The following CTNNAL1 variants were observed in gnomAD, a reference collection of about 807,000 sequenced individuals.
CTNNAL1 encodes the protein catenin alpha like 1, also known as alpha-catulin.
Under a neutral mutation model 93.6 loss-of-function variants are expected in CTNNAL1, and 69 were observed. The ratio of observed to expected loss-of-function variants is 0.74; its 90% CI spans 0.61 to 0.90. The LOEUF is 0.90. CTNNAL1 is among the 40% of genes least tolerant of loss of function. The pLI is 0.00. For synonymous variants in CTNNAL1, 286 were observed against 305.4 expected (o/e 0.94, Z 0.66); for missense variants, 836 against 862.0 (o/e 0.97, Z 0.38).
chr9:108,961,023 C>T (rs1183889644), intron 11 of CTNNAL1, among the ~76,000 whole-genome samples: 1 of 152,186 alleles, frequency 6.6e-6, no homozygotes, highest in Non-Finnish European at 1.5e-5. Context: ...TAAAGCCTCC[C>T]TCCTATTGCT....
chr9:108,986,562 C>G (rs1395646159), intron 4 of CTNNAL1, among the ~76,000 whole-genome samples: 9 of 151,848 alleles, frequency 5.9e-5, no homozygotes, highest in Non-Finnish European at 8.8e-5. Context: ...ATGGCTGGGT[C>G]AAATGGTATT....
intron 14 of CTNNAL1, among the ~76,000 whole-genome samples, chr9:108,951,938 G>T (rs963078433): frequency 6.6e-6 from 1 of 152,092 alleles, no homozygotes; most frequent in African/African-American, 2.4e-5. Flanking sequence ...AACAATGCAG[G>T]ATAACAAAAA....
At chr9:108,972,868 G>GGGGGCCCCCCGGGT in intron 8 of CTNNAL1, 35 bp from the exon 9 acceptor site, 1 of 1,092,790 alleles carries the variant, frequency 9.2e-7, no homozygotes, top group Non-Finnish European at 1.2e-6. Flanking sequence ...GGGTGGGAGG[G>GGGGGCCCCCCGGGT]TGGAGAAGGA....
intron 10 of CTNNAL1, 148 bp from the exon 11 acceptor site, chr9:108,965,676 A>G (rs1317744360): frequency 9.0e-6 from 4 of 442,114 alleles, no homozygotes; most frequent in African/African-American, 2.0e-5. Flanking sequence ...CATGTTGGGC[A>G]ATATGAAGAT....
chr9:108,977,763 C>A, intron 7 of CTNNAL1, among the ~76,000 whole-genome samples: 1 of 152,174 alleles, frequency 6.6e-6, no homozygotes, highest in Non-Finnish European at 1.5e-5. Context: ...TTCATGAAGA[C>A]TTCTTGAGCC....
intron 1 of CTNNAL1, among the ~76,000 whole-genome samples, chr9:109,005,387 C>T (rs1826991319): frequency 6.6e-6 from 1 of 152,136 alleles, no homozygotes; most frequent in Non-Finnish European, 1.5e-5. Flanking sequence ...CCCCCTCCCA[C>T]TCCCCCTCCA....
intron 15 of CTNNAL1, among the ~76,000 whole-genome samples, chr9:108,946,935 A>C (rs1381669979): frequency 6.6e-6 from 1 of 152,154 alleles, no homozygotes; most frequent in Non-Finnish European, 1.5e-5. Flanking sequence ...AAATAAATTC[A>C]GAATTTCAAC....
chr9:109,012,834 C>A (rs897062103), intron 1 of CTNNAL1, among the ~76,000 whole-genome samples: 3 of 152,184 alleles, frequency 2.0e-5, no homozygotes, highest in Non-Finnish European at 1.5e-5. Context: ...GGAGGAATAC[C>A]CCAGGCGGAG....
intron 1 of CTNNAL1, among the ~76,000 whole-genome samples, chr9:108,999,951 A>G (rs1826735583): frequency 6.6e-6 from 1 of 152,216 alleles, no homozygotes. Context: ...GACATCTAAG[A>G]ATATTTATTA....
chr9:108,961,952 A>C (rs1400339595), intron 11 of CTNNAL1, among the ~76,000 whole-genome samples: 1 of 152,206 alleles, frequency 6.6e-6, no homozygotes, highest in Non-Finnish European at 1.5e-5. Context: ...CAGAACTCAG[A>C]GCTGCAGTTG....
chr9:108,953,831 A>G (rs1192387909), intron 12 of CTNNAL1, among the ~76,000 whole-genome samples: 1 of 151,752 alleles, frequency 6.6e-6, no homozygotes, highest in Admixed American at 6.5e-5. Flanking sequence ...CACAGAGAGA[A>G]AGAGACAAAG....
chr9:108,959,224 G>C (rs1339514576), intron 11 of CTNNAL1, among the ~76,000 whole-genome samples: 1 of 151,706 alleles, frequency 6.6e-6, no homozygotes, highest in Admixed American at 6.6e-5. Context: ...AATTAGCCGG[G>C]TGTGGTGGTG....
chr9:108,987,382 A>T (rs1831645005), intron 4 of CTNNAL1, among the ~76,000 whole-genome samples: 1 of 152,106 alleles, frequency 6.6e-6, no homozygotes, highest in Admixed American at 6.5e-5. Context: ...TGTTCCATTG[A>T]TCTATATCTC....
At chr9:109,006,878 GA>G (rs1827043128) in intron 1 of CTNNAL1, among the ~76,000 whole-genome samples, 1 of 152,138 alleles carries the variant, frequency 6.6e-6, no homozygotes, top group African/African-American at 2.4e-5. Flanking sequence ...CAAGCTATCT[GA>G]CCTTTCTGTG....
Position 108,965,394 on chromosome 9 carries a change from C to T in CTNNAL1, c.1575G>A (p.Val525=), listed in dbSNP as rs769926393. The T allele has an allele frequency of 1.3e-6, 2 of 1,486,050 alleles. No homozygotes were observed. Among genetic ancestry groups the T allele is most frequent in the East Asian group, 2.6e-5 (1 of 38,978 alleles). 92.1% of individuals were successfully genotyped at this position (1,486,050 alleles called of 1,614,324 possible). ...GTTTCTCACCTCGTCTTCCTTCAAA[C>T]ACGTCATTGATTTCTCTCAGCAGTG... ...MSTLLREIND[V]FEGRRGEKYG... Residue 525 remains valine, a synonymous_variant, in exon 11 of 19, where the codon GTG becomes GTA. Transcript: ENST00000325551.
intron 8 of CTNNAL1, 49 bp downstream of exon 8, chr9:108,976,913 A>T (rs976628878): frequency 1.3e-6 from 1 of 764,184 alleles, no homozygotes; most frequent in Non-Finnish European, 2.0e-6. Context: ...CCCATACAAC[A>T]TGAAAATCAC....
At chr9:108,984,309 T>C in intron 5 of CTNNAL1, 38 bp downstream of exon 5, 2 of 1,019,100 alleles carry the variant, frequency 2.0e-6, no homozygotes, top group Non-Finnish European at 3.1e-6. Context: ...GTGTTCTAAT[T>C]ATTAATTTAT....
intron 10 of CTNNAL1, among the ~76,000 whole-genome samples, chr9:108,966,344 A>G (rs769804750): frequency 5.8e-4 from 89 of 152,254 alleles, no homozygotes; most frequent in Non-Finnish European, 5.4e-4. Flanking sequence ...CTATGTTTTC[A>G]TCAAAATCTG....
In CTNNAL1 at chr9:108,955,820, C is replaced by A; in HGVS notation, c.1599G>T (p.Lys533Asn). Residue 533 changes from lysine to asparagine, a missense_variant, in exon 12 of 19, where the codon AAG (lysine) becomes AAT (asparagine). Lys to Asn is a moderately conservative substitution (Grantham distance 94). Transcript: ENST00000325551. ...GCTTTGGAAGTGAAAGGTAGCCATACTTCTCTCCTACAAATAACACATATA... is the reference window on the plus strand; with the variant it reads ...GCTTTGGAAGTGAAAGGTAGCCATAATTCTCTCCTACAAATAACACATATA... Reference protein sequence around the residue: ...NDVFEGRRGEKYGYLSLPKPM... With the variant: ...NDVFEGRRGENYGYLSLPKPM... 1 of 1,600,094 alleles carries A rather than the reference C, an allele frequency of 6.2e-7. No homozygotes were observed.
Sources: gnomAD v4.1 joint callset for allele counts (sites outside exome capture counted in the v4.1 genomes callset) on GRCh38, gnomAD v4.1.1 for gene constraint, MANE v1.5 for transcripts, NCBI Gene and HGNC (gene_info 2026-07-23, HGNC 2026-07-21) for gene names.